The following ADAMTSL1 variants were observed in gnomAD, a reference collection of about 807,000 sequenced individuals.
The protein encoded by ADAMTSL1 is ADAMTS-like protein 1.
A neutral mutation model predicts 201.8 loss-of-function variants in ADAMTSL1; 126 were observed. The ratio of observed to expected loss-of-function variants is 0.62; its 90% CI spans 0.54 to 0.72. ADAMTSL1 has a LOEUF of 0.72. Among genes scored for constraint, ADAMTSL1 ranks in the 30% least tolerant of loss-of-function variants. The probability of loss-of-function intolerance (pLI) is 0.00; values close to 1 mark genes in which losing one functional copy is unlikely to be tolerated. For missense variants in ADAMTSL1, 2,679 were observed against 2,277.8 expected, an observed-to-expected ratio of 1.18 and a Z score of -3.59; for synonymous variants, 1,121 against 903.4, an observed-to-expected ratio of 1.24 and a Z score of -4.32.
intron 1 of ADAMTSL1, among the ~76,000 whole-genome samples, chr9:18,019,079 C>T (rs775083573): frequency 2.0e-5 from 3 of 151,848 alleles, no homozygotes; most frequent in East Asian, 1.9e-4. Flanking sequence ...AAAATGTTTT[C>T]GAAAAACTGG....
chr9:18,601,853 G>A (rs1161487584), intron 4 of ADAMTSL1, among the ~76,000 whole-genome samples: 2 of 151,680 alleles, frequency 1.3e-5, no homozygotes, highest in Non-Finnish European at 2.9e-5. Flanking sequence ...GTATATTGAA[G>A]TACATAGCTT....
At chr9:18,806,320 G>A (rs1823114845) in intron 20 of ADAMTSL1, among the ~76,000 whole-genome samples, 1 of 152,216 alleles carries the variant, frequency 6.6e-6, no homozygotes, top group South Asian at 2.1e-4. Flanking sequence ...GTCTGTTCAT[G>A]TTCCATCTGC....
At chr9:18,652,775 T>C (rs1031094936) in intron 7 of ADAMTSL1, among the ~76,000 whole-genome samples, 18 of 152,200 alleles carry the variant, frequency 1.2e-4, no homozygotes, top group South Asian at 2.1e-4. Context: ...TATAACCCCA[T>C]TGTAAGTTGA....
intron 2 of ADAMTSL1, among the ~76,000 whole-genome samples, chr9:18,307,023 G>A (rs904544543): frequency 6.6e-6 from 1 of 152,206 alleles, no homozygotes; most frequent in Admixed American, 6.5e-5. Flanking sequence ...AGCCAGAATA[G>A]AGTGGGGGCC....
chr9:18,532,304 A>G (rs541966708), intron 2 of ADAMTSL1, among the ~76,000 whole-genome samples: 57 of 152,278 alleles, frequency 3.7e-4, no homozygotes, highest in Non-Finnish European at 6.2e-4. Context: ...GGCAATATTT[A>G]TGAAGAGCCT....
intron 23 of ADAMTSL1, among the ~76,000 whole-genome samples, chr9:18,886,555 G>A (rs1438857372): frequency 2.0e-5 from 3 of 152,172 alleles, no homozygotes; most frequent in Non-Finnish European, 4.4e-5. Context: ...CAGTTCTGGA[G>A]TCTGGCAAGT....
At chr9:18,435,127 G>A (rs1483630550) in intron 2 of ADAMTSL1, among the ~76,000 whole-genome samples, 2 of 152,198 alleles carry the variant, frequency 1.3e-5, no homozygotes, top group African/African-American at 2.4e-5. Flanking sequence ...ATACAGTCTA[G>A]TAATTCTTTT....
intron 1 of ADAMTSL1, among the ~76,000 whole-genome samples, chr9:18,142,518 T>C (rs964525389): frequency 6.6e-6 from 1 of 152,146 alleles, no homozygotes; most frequent in Non-Finnish European, 1.5e-5. Context: ...GTCCCTCAGG[T>C]TTTACAGTGG....
intron 13 of ADAMTSL1, 124 bp downstream of exon 13, chr9:18,684,924 G>A: frequency 1.4e-6 from 2 of 1,394,468 alleles, no homozygotes; most frequent in Non-Finnish European, 9.3e-7. Context: ...AAAGCTTTTT[G>A]GCTCTCAAAT....
intron 17 of ADAMTSL1, among the ~76,000 whole-genome samples, chr9:18,774,934 C>T (rs72690543): frequency 0.052 from 7,965 of 152,204 alleles, 307 homozygotes; most frequent in South Asian, 0.093. Flanking sequence ...GGTAAATTTA[C>T]GTTTAACTTT....
At chr9:18,656,628 CAAAAA>C (rs34965386) in intron 7 of ADAMTSL1, among the ~76,000 whole-genome samples, 2 of 75,362 alleles carry the variant, frequency 2.7e-5, no homozygotes. Flanking sequence ...GACTCCATCG[CAAAAA>C]AAAAAAAAAA....
chr9:18,722,917 C>T, intron 15 of ADAMTSL1: 2 of 717,320 alleles, frequency 2.8e-6, no homozygotes, highest in South Asian at 3.0e-5. Flanking sequence ...CCTGGTTCCA[C>T]ATTTCTGTCC....
intron 2 of ADAMTSL1, among the ~76,000 whole-genome samples, chr9:18,183,100 T>G (rs1027298345): frequency 6.6e-6 from 1 of 152,156 alleles, no homozygotes; most frequent in Non-Finnish European, 1.5e-5. Context: ...CAACTGATCT[T>G]TGATAAAGGA....
chr9:18,819,562 G>A (rs551042319), intron 21 of ADAMTSL1, among the ~76,000 whole-genome samples: 1 of 152,082 alleles, frequency 6.6e-6, no homozygotes, highest in South Asian at 2.1e-4. Context: ...TTACGTTGGG[G>A]AGCCTAAGAT....
intron 23 of ADAMTSL1, among the ~76,000 whole-genome samples, chr9:18,850,476 C>G (rs370574003): frequency 2.0e-5 from 3 of 152,174 alleles, no homozygotes; most frequent in East Asian, 1.9e-4. Flanking sequence ...GAAGAGAGGG[C>G]AGGATTATGG....
intron 2 of ADAMTSL1, among the ~76,000 whole-genome samples, chr9:18,257,532 T>C (rs1831735095): frequency 1.3e-5 from 2 of 152,026 alleles, no homozygotes; most frequent in African/African-American, 4.8e-5. Context: ...GAAAATAAAA[T>C]GTGTGGGTGA....
chr9:18,463,330 T>C (rs1391802852), intron 2 of ADAMTSL1, among the ~76,000 whole-genome samples: 2 of 152,250 alleles, frequency 1.3e-5, no homozygotes, highest in African/African-American at 4.8e-5. Flanking sequence ...GTAAATTTTG[T>C]AATTTTTCTT....
At chr9:18,797,500 A>G (rs1169889384) in intron 20 of ADAMTSL1, among the ~76,000 whole-genome samples, 3 of 152,158 alleles carry the variant, frequency 2.0e-5, no homozygotes, top group African/African-American at 7.2e-5. Flanking sequence ...CAAGCGATGG[A>G]TACCCGGCTA....
intron 2 of ADAMTSL1, among the ~76,000 whole-genome samples, chr9:18,338,859 A>T (rs189116759): frequency 3.3e-5 from 5 of 152,146 alleles, no homozygotes; most frequent in Admixed American, 6.5e-5. Context: ...CCCACTTATA[A>T]GTGAGAGTAT....
Sources: allele counts gnomAD v4.1 joint callset (sites outside exome capture counted in the v4.1 genomes callset), GRCh38; gene constraint gnomAD v4.1.1; transcripts MANE v1.5; gene names NCBI Gene and HGNC (gene_info 2026-07-23, HGNC 2026-07-21).